ABCA13: variants seen among roughly 807,000 people sequenced by gnomAD.
ABCA13 encodes the protein ATP-binding cassette sub-family A member 13.
In ABCA13, 476 loss-of-function variants were observed where a neutral mutation model predicts 478.7. The ratio of observed to expected loss-of-function variants is 0.99; its 90% CI spans 0.92 to 1.07. The LOEUF (loss-of-function observed/expected upper bound fraction) is 1.07. Among genes scored for constraint, ABCA13 ranks in the 50% least tolerant of loss-of-function variants. ABCA13 has a pLI of 0.00. For missense variants in ABCA13, 6,060 were observed against 5,910.6 expected (o/e 1.03, Z -0.83); for synonymous variants, 2,252 against 2,158.9 (o/e 1.04, Z -1.20).
rs554022736 is a variant in ABCA13, at chr7:48,427,798, G to A, written c.12492G>A (p.Lys4164=). 6.2e-7 allele frequency: 1 copy of A among 1,610,000 alleles called. No homozygotes were observed. The highest frequency in any genetic ancestry group is 1.1e-5 in the South Asian group (1 of 90,890). The part of the protein sequence containing the change: ...VFLMLLQDSN[K]KSHIALGTES... ...TGATGCTTTTGCAAGATTCCAACAA[G>A]AAATCTCACATTGCCCTGGGGACTG... Residue 4164 remains lysine (K), a synonymous_variant, in exon 42 of 62, where the codon AAG becomes AAA. Coordinates refer to ENST00000435803, the MANE Select transcript of ABCA13 (RefSeq NM_152701.5).
At chr7:48,594,091 A>G (rs553160075) in intron 57 of ABCA13, among the ~76,000 whole-genome samples, 10 of 152,076 alleles carry the variant, frequency 6.6e-5, no homozygotes. Flanking sequence ...TCAAATGTCT[A>G]TCTCTTTATC....
chr7:48,260,597 G>A (rs1794039486), intron 15 of ABCA13, among the ~76,000 whole-genome samples: 1 of 151,900 alleles, frequency 6.6e-6, no homozygotes, highest in Non-Finnish European at 1.5e-5. Flanking sequence ...GTTAATAATT[G>A]TCTCATGATT....
chr7:48,542,604 G>A (rs1343455203), intron 55 of ABCA13, among the ~76,000 whole-genome samples: 1 of 151,490 alleles, frequency 6.6e-6, no homozygotes, highest in Non-Finnish European at 1.5e-5. Flanking sequence ...ACACATGCAA[G>A]GTAATGAATA....
At chr7:48,220,245 A>G (rs922449370) in intron 4 of ABCA13, among the ~76,000 whole-genome samples, 1 of 152,156 alleles carries the variant, frequency 6.6e-6, no homozygotes, top group Non-Finnish European at 1.5e-5. Context: ...CACATCCCTG[A>G]GTCATTGCCT....
chr7:48,417,588 A>G (rs898528561), intron 41 of ABCA13, among the ~76,000 whole-genome samples: 3 of 152,160 alleles, frequency 2.0e-5, no homozygotes, highest in African/African-American at 4.8e-5. Flanking sequence ...CAAATTGTGC[A>G]TTCTGTGTCC....
At chr7:48,432,434 T>C (rs1336139250) in intron 42 of ABCA13, among the ~76,000 whole-genome samples, 1 of 151,970 alleles carries the variant, frequency 6.6e-6, no homozygotes, top group African/African-American at 2.4e-5. Flanking sequence ...AAATTAAAAA[T>C]AAAACCACCA....
At chr7:48,209,238 G>T (rs574093736) in intron 3 of ABCA13, among the ~76,000 whole-genome samples, 1 of 152,124 alleles carries the variant, frequency 6.6e-6, no homozygotes, top group Non-Finnish European at 1.5e-5. Context: ...TCAGTTAAAT[G>T]TAATATTAAA....
chr7:48,455,861 C>T (rs1003227638), intron 43 of ABCA13, among the ~76,000 whole-genome samples: 17 of 152,192 alleles, frequency 1.1e-4, no homozygotes, highest in African/African-American at 3.9e-4. Flanking sequence ...AATGAATTTA[C>T]GCAAGAACTC....
chr7:48,635,180 A>T (rs1038172961), intron 59 of ABCA13, among the ~76,000 whole-genome samples: 1 of 150,422 alleles, frequency 6.6e-6, no homozygotes, highest in African/African-American at 2.5e-5. Flanking sequence ...TCCAGTTATT[A>T]AGAACACCCT....
intron 55 of ABCA13, among the ~76,000 whole-genome samples, chr7:48,574,403 T>A (rs1386060864): frequency 6.6e-6 from 1 of 152,208 alleles, no homozygotes; most frequent in Non-Finnish European, 1.5e-5. Context: ...CCTGAATGTC[T>A]GCTTAATGAC....
chr7:48,193,226 T>G (rs748051084), intron 2 of ABCA13, among the ~76,000 whole-genome samples, 174 bp downstream of exon 2: 1 of 152,320 alleles, frequency 6.6e-6, no homozygotes, highest in South Asian at 2.1e-4. Context: ...AATTTAGGTT[T>G]TGTCTTTTAA....
intron 59 of ABCA13, among the ~76,000 whole-genome samples, chr7:48,619,753 T>A (rs1034278571): frequency 6.6e-5 from 10 of 152,142 alleles, no homozygotes; most frequent in Non-Finnish European, 1.0e-4. Flanking sequence ...ACATCCAGTT[T>A]GTTGGTAAAG....
intron 5 of ABCA13, among the ~76,000 whole-genome samples, chr7:48,227,031 C>T (rs1788312129): frequency 6.6e-6 from 1 of 151,748 alleles, no homozygotes; most frequent in African/African-American, 2.4e-5. Flanking sequence ...ATATTTTTCC[C>T]TCCTTGTCCA....
chr7:48,230,552 C>T (rs1584327646), intron 7 of ABCA13, among the ~76,000 whole-genome samples: 1 of 152,166 alleles, frequency 6.6e-6, no homozygotes, highest in African/African-American at 2.4e-5. Flanking sequence ...AGTGAGAGAA[C>T]AACAAAGTTG....
In ABCA13 at chr7:48,245,894, G is replaced by A. The variant is rs1216592230; in HGVS notation, c.1523G>A (p.Gly508Asp). ...MLAKNAVCPN[G>D]RFSEKEVFLP... is the part of the protein sequence containing the mutation. ...GCGAAGAATGCTGTCTGCCCGAATG[G>A]TCGTTTCTCTGAGAAGGAGGTCTTT... The change falls in exon 13 of 62, where the codon GGT becomes GAT. Residue 508 changes from glycine (G) to aspartate (D), a missense_variant. Around this residue, in one of 3 missense-constraint regions of ABCA13, gnomAD observed 4,423 missense variants for 4,309.1 expected, o/e 1.03. Transcript: ENST00000435803. The A allele has an allele frequency of 6.2e-7, 1 of 1,613,304 alleles. No homozygotes were observed. Among genetic ancestry groups the A allele is most frequent in the African/African-American group, 1.3e-5 (1 of 74,958 alleles).
At chr7:48,245,472 T>A (rs574716620) in intron 11 of ABCA13, 40 bp from the exon 12 acceptor site, 72 of 1,520,484 alleles carry the variant, frequency 4.7e-5, no homozygotes, top group Non-Finnish European at 6.2e-5. Flanking sequence ...TCAAGCTTAC[T>A]TACCTTAGGT....
chr7:48,322,587 C>T (rs1803655471), intron 27 of ABCA13, among the ~76,000 whole-genome samples: 1 of 152,214 alleles, frequency 6.6e-6, no homozygotes, highest in South Asian at 2.1e-4. Context: ...GCAGCCGGTG[C>T]TCCTACCTCC....
chr7:48,236,050 G>C (rs1395544463), intron 8 of ABCA13, among the ~76,000 whole-genome samples: 4 of 152,148 alleles, frequency 2.6e-5, no homozygotes, highest in African/African-American at 9.7e-5. Context: ...AGTCATGATG[G>C]GTTGATGAGG....
intron 28 of ABCA13, among the ~76,000 whole-genome samples, chr7:48,338,073 G>A (rs969143574): frequency 3.3e-5 from 5 of 152,162 alleles, no homozygotes; most frequent in African/African-American, 7.2e-5. Context: ...ATATAGGTTC[G>A]TTTGAAAATT....
Sources: allele counts gnomAD v4.1 joint callset (sites outside exome capture counted in the v4.1 genomes callset), GRCh38; gene constraint gnomAD v4.1.1; regional missense constraint gnomAD v4.1.1; transcripts MANE v1.5; gene names NCBI Gene and HGNC (gene_info 2026-07-23, HGNC 2026-07-21).